The following VPS33B variants were observed in gnomAD, a reference collection of about 807,000 sequenced individuals.
The protein encoded by VPS33B is VPS33B late endosome and lysosome associated.
Under a neutral mutation model 95.3 loss-of-function variants are expected in VPS33B, and 80 were observed. The ratio of observed to expected loss-of-function variants is 0.84; its 90% CI spans 0.70 to 1.01. The LOEUF is 1.01. Among genes scored for constraint, VPS33B ranks in the 50% least tolerant of loss-of-function variants. The probability of loss-of-function intolerance (pLI) is 0.00; values close to 1 mark genes in which losing one functional copy is unlikely to be tolerated. For missense variants in VPS33B, 715 were observed against 773.4 expected (o/e 0.92, Z 0.90); for synonymous variants, 280 against 280.4 (o/e 1.00, Z 0.01).
Position 91,013,946 on chromosome 15 carries a change from C to T in VPS33B, c.290-75G>A. On this transcript the variant is annotated intron_variant, in intron 4 of 22. Coordinates refer to ENST00000333371, the MANE Select transcript of VPS33B (RefSeq NM_018668.5). This position sits in a 1 kb window ranked among gnomAD's most constrained non-coding sequence, Gnocchi z 4.5. ...CTAGAAACAGGGAAGCTGCCGGGCA[C>T]AGTGGTTCACGCCTGTAATCCCAGC... 1 of 1,563,796 alleles carries T rather than the reference C, an allele frequency of 6.4e-7. No homozygotes were observed. The highest frequency in any genetic ancestry group is 8.8e-7 in the Non-Finnish European group (1 of 1,134,908).
rs373277902 is a variant in VPS33B at position 91,000,898 on chromosome 15, C to G, written c.1480-307G>C. On this transcript the variant is annotated intron_variant, in intron 19 of 22. Transcript: ENST00000333371. This position sits in a 1 kb window ranked among gnomAD's most constrained non-coding sequence, Gnocchi z 4.9. ...TCACTGAAGCAGCACTTAGAATATT[C>G]TCTGGCATTGGCAGGTGCTTGTTAC... 1 of 418,752 alleles carries G rather than the reference C, an allele frequency of 2.4e-6. No individual in the cohort carries two copies. 25.9% of individuals were successfully genotyped at this position (418,752 alleles called of 1,614,324 possible).
At chr15:91,017,204 A>G (rs947570542) in intron 2 of VPS33B, 180 bp from the exon 3 acceptor site, 3 of 632,930 alleles carry the variant, frequency 4.7e-6, no homozygotes, top group South Asian at 1.8e-5. Flanking sequence ...AACTGTCAAT[A>G]GAAAAACCTA....
In VPS33B at chr15:91,013,012, T is replaced by A. The variant is rs946809515; in HGVS notation, c.357+792A>T. Among the ~76,000 whole-genome samples the A allele has an allele frequency of 2.6e-5, 4 of 152,184 alleles. No individual in the cohort carries two copies. Among genetic ancestry groups the A allele is most frequent in the Non-Finnish European group, 5.9e-5 (4 of 68,034 alleles). ...GTAACCCAGGGGCAGCCCAGCCACA[T>A]CCTTATAAGCATAGCGGATGGGAAG... is the stretch of plus-strand genomic sequence containing the variant. On this transcript the variant is annotated intron_variant, in intron 5 of 22. Transcript: ENST00000333371. The surrounding 1 kb of genome is among the most constrained non-coding windows in gnomAD (Gnocchi z 4.5).
At chr15:91,008,088 C>G (rs771205385) in intron 6 of VPS33B, 124 bp from the exon 7 acceptor site, 3 of 840,820 alleles carry the variant, frequency 3.6e-6, no homozygotes, top group Non-Finnish European at 6.0e-6. Flanking sequence ...CATGCCAGTA[C>G]TGCATTAAGC....
Position 91,009,929 on chromosome 15 carries a change from T to C in VPS33B, c.358-83A>G. 1 of 1,527,754 alleles carries C rather than the reference T, an allele frequency of 6.5e-7. No individual in the cohort carries two copies. Among genetic ancestry groups the C allele is most frequent in the Non-Finnish European group, 9.1e-7 (1 of 1,103,594 alleles). 94.6% of individuals were successfully genotyped at this position (1,527,754 alleles called of 1,614,324 possible). A position where few individuals can be genotyped will look rare whatever the true frequency, so the allele number is the denominator to read the frequency against. On this transcript the variant is annotated intron_variant, in intron 5 of 22. Coordinates refer to ENST00000333371, the MANE Select transcript of VPS33B (RefSeq NM_018668.5). The surrounding 1 kb of genome is among the most constrained non-coding windows in gnomAD (Gnocchi z 4.1). ...TCTGGAGTTCCTCTGTGGTCACTGA[T>C]GAGGACAATAATTGCCGAACCCAGT...
Position 91,000,070 on chromosome 15 carries a change from T to A in VPS33B, c.1582-95A>T. 6.6e-7 allele frequency: 1 copy of A among 1,512,612 alleles called. No homozygotes were observed. The highest frequency in any genetic ancestry group is 9.1e-7 in the Non-Finnish European group (1 of 1,097,568). The allele number at this position is 1,512,612 out of a possible 1,614,324, so 93.7% of individuals were successfully genotyped here. ...GCCAGACTGTCACATTTCTTGCTCA[T>A]TACTCAAGTAGCAAAAAGTTGAGAC... On this transcript the variant is annotated intron_variant, in intron 20 of 22. Transcript: ENST00000333371. This position sits in a 1 kb window ranked among gnomAD's most constrained non-coding sequence, Gnocchi z 4.9.
Position 91,009,916 on chromosome 15 carries a change from CT to C in VPS33B, c.358-71del. ...TTCTCTCCATTTCTCTGGAGTTCCT[CT>C]GTGGTCACTGATGAGGACAATAATT... On this transcript the variant is annotated intron_variant, in intron 5 of 22. Coordinates refer to ENST00000333371, the MANE Select transcript of VPS33B (RefSeq NM_018668.5). This position sits in a 1 kb window ranked among gnomAD's most constrained non-coding sequence, Gnocchi z 4.1. The C allele has an allele frequency of 6.4e-7, 1 of 1,574,172 alleles. No homozygotes were observed. Among genetic ancestry groups the C allele is most frequent in the Non-Finnish European group, 8.7e-7 (1 of 1,144,854 alleles).
At chr15:91,001,810 G>A (rs2040446671) in intron 18 of VPS33B, among the ~76,000 whole-genome samples, 1 of 152,158 alleles carries the variant, frequency 6.6e-6, no homozygotes, top group Non-Finnish European at 1.5e-5. Flanking sequence ...ATGAGGATGA[G>A]AAAATTTATC....
chr15:91,017,077 A>C, intron 2 of VPS33B, 53 bp from the exon 3 acceptor site: 1 of 1,558,424 alleles, frequency 6.4e-7, no homozygotes. Flanking sequence ...GAAAAGCACA[A>C]AGTGTGACAC....
In VPS33B at chr15:91,000,444, C is replaced by A; in HGVS notation, c.1581+46G>T. 1 of 1,546,734 alleles carries A rather than the reference C, an allele frequency of 6.5e-7. No individual in the cohort carries two copies. On this transcript the variant is annotated intron_variant, in intron 20 of 22. Coordinates refer to ENST00000333371, the MANE Select transcript of VPS33B (RefSeq NM_018668.5). This position sits in a 1 kb window ranked among gnomAD's most constrained non-coding sequence, Gnocchi z 4.9. ...AGACACGCCAGGGACCAAGAGAAAG[C>A]AGAGAGAATGAAATATGAATGGGAG...
chr15:91,007,924 A>G lies in VPS33B; in HGVS notation c.444T>C (p.Leu148=). ...GTTCCATGCTCAGCAGATCCACATC[A>G]AGAGGCAGCAAAGAGAAGGCCCATT... ...CDEWAFSLLP[L]DVDLLSMELP... is the part of the protein sequence containing the mutation. Residue 148 remains leucine, a synonymous_variant, in exon 7 of 23, where the codon CTT becomes CTC. Coordinates refer to ENST00000333371, the MANE Select transcript of VPS33B (RefSeq NM_018668.5). This position sits in a 1 kb window ranked among gnomAD's most constrained non-coding sequence, Gnocchi z 5.3. The G allele has an allele frequency of 6.2e-7, 1 of 1,614,202 alleles. No homozygotes were observed. The highest frequency in any genetic ancestry group is 8.5e-7 in the Non-Finnish European group (1 of 1,180,022).
Position 91,007,755 on chromosome 15 carries a change from T to C in VPS33B, c.498+115A>G. The C allele has an allele frequency of 8.4e-7, 1 of 1,189,166 alleles. No individual in the cohort carries two copies. The allele number at this position is 1,189,166 out of a possible 1,614,324, so 73.7% of individuals were successfully genotyped here. A position where few individuals can be genotyped will look rare whatever the true frequency, so the allele number is the denominator to read the frequency against. On this transcript the variant is annotated intron_variant, in intron 7 of 22. Transcript: ENST00000333371. This position sits in a 1 kb window ranked among gnomAD's most constrained non-coding sequence, Gnocchi z 5.3. ...GTAGCACTCAATCACCACATCACTA[T>C]CACTTGTGATAAATTACTTGCGTTG... is the stretch of plus-strand genomic sequence containing the variant.
In VPS33B at chr15:91,011,017, T is replaced by C. The variant is rs1456222049; in HGVS notation, c.358-1171A>G. On this transcript the variant is annotated intron_variant, in intron 5 of 22. Transcript: ENST00000333371. The surrounding 1 kb of genome is among the most constrained non-coding windows in gnomAD (Gnocchi z 5.5). ...GGGAAAAGAGATGAAATGGGAGACA[T>C]TGTTTAGAAGGCATAGACATGGGTG... Among the ~76,000 whole-genome samples the C allele has an allele frequency of 2.0e-5, 3 of 152,038 alleles. No individual in the cohort carries two copies. The highest frequency in any genetic ancestry group is 7.2e-5 in the African/African-American group (3 of 41,388).
rs1159663715 is a variant in VPS33B, at chr15:91,017,367, AATATATATATATATATATATATAT to A, written c.178-367_178-344del. Among the ~76,000 whole-genome samples the A allele has an allele frequency of 3.4e-3, 54 of 15,850 alleles. 5 individuals are homozygous for A. Among genetic ancestry groups the A allele is most frequent in the Admixed American group, 7.8e-3 (7 of 898 alleles). The allele number at this position is 15,850 out of a possible 152,430, so 10.4% of individuals were successfully genotyped here. A position where few individuals can be genotyped will look rare whatever the true frequency, so the allele number is the denominator to read the frequency against. ...ACAAGACTCCATCTCTACAAAATTA[AATATATATATATATATATATATAT>A]ATATATATATATATATATATATATA... On this transcript the variant is annotated intron_variant, in intron 2 of 22. Coordinates refer to ENST00000333371, the MANE Select transcript of VPS33B (RefSeq NM_018668.5).
chr15:91,019,882 C>T (rs568676376), intron 1 of VPS33B, among the ~76,000 whole-genome samples: 70 of 151,970 alleles, frequency 4.6e-4, no homozygotes, highest in African/African-American at 1.6e-3. Context: ...CTCGGCTCAC[C>T]GCAACCTCCA....
chr15:91,020,013 C>G (rs2041058483), intron 1 of VPS33B, among the ~76,000 whole-genome samples: 2 of 152,110 alleles, frequency 1.3e-5, no homozygotes, highest in South Asian at 4.1e-4. Context: ...CCATGTTGGT[C>G]AGGCTGGTCT....
Position 91,007,600 on chromosome 15 carries a change from A to C in VPS33B, c.499-27T>G. On this transcript the variant is annotated intron_variant, in intron 7 of 22. Transcript: ENST00000333371. The surrounding 1 kb of genome is among the most constrained non-coding windows in gnomAD (Gnocchi z 5.3). ...TGCAGGGACCACACAAGCCACAAAG[A>C]TATGAATCAACCCAGTAGGACCACC... 1 of 1,611,736 alleles carries C rather than the reference A, an allele frequency of 6.2e-7. No individual in the cohort carries two copies. The highest frequency in any genetic ancestry group is 1.3e-5 in the African/African-American group (1 of 74,972).
Position 91,006,972 on chromosome 15 carries a change from T to A in VPS33B, c.678A>T (p.Gly226=). The A allele has an allele frequency of 6.2e-7, 1 of 1,614,144 alleles. No individual in the cohort carries two copies. Among genetic ancestry groups the A allele is most frequent in the Non-Finnish European group, 8.5e-7 (1 of 1,180,038 alleles). ...TACCTCTGTCCAAGAGAAAGATATGTCCAATCTCTGGCCTTCGGCCCTTGG... is the reference window on the plus strand; with the variant it reads ...TACCTCTGTCCAAGAGAAAGATATGACCAATCTCTGGCCTTCGGCCCTTGG... ...GETKGRRPEI[G]HIFLLDRDVD... is the part of the protein sequence containing the mutation. Residue 226 remains glycine, a synonymous_variant, in exon 9 of 23, where the codon GGA becomes GGT. Coordinates refer to ENST00000333371, the MANE Select transcript of VPS33B (RefSeq NM_018668.5). The surrounding 1 kb of genome is among the most constrained non-coding windows in gnomAD (Gnocchi z 5.4).
At position 91,005,517 on chromosome 15, in the gene VPS33B, C is replaced by A; in HGVS notation, c.1031-63G>T. 10 of 1,611,098 alleles carry A rather than the reference C, an allele frequency of 6.2e-6. No individual in the cohort carries two copies. The highest frequency in any genetic ancestry group is 8.5e-6 in the Non-Finnish European group (10 of 1,177,466). On this transcript the variant is annotated intron_variant, in intron 13 of 22. Transcript: ENST00000333371. The surrounding 1 kb of genome is among the most constrained non-coding windows in gnomAD (Gnocchi z 6.4). ...TCTAGAAAGATGTCCCTTTATTGTCCGGAAGAATAAAAAACCTCCTAAGGC... is the reference window on the plus strand; with the variant it reads ...TCTAGAAAGATGTCCCTTTATTGTCAGGAAGAATAAAAAACCTCCTAAGGC...
Sources: allele counts gnomAD v4.1 joint callset (sites outside exome capture counted in the v4.1 genomes callset), GRCh38; gene constraint gnomAD v4.1.1; non-coding constraint Gnocchi (gnomAD v3.1); transcripts MANE v1.5; gene names NCBI Gene and HGNC (gene_info 2026-07-23, HGNC 2026-07-21).